Variants in IL23R observed in about 807,000 individuals in gnomAD.
IL23R encodes interleukin-23 receptor.
A neutral mutation model predicts 56.9 loss-of-function variants in IL23R; 34 were observed. That is an observed-to-expected ratio of 0.60 (90% confidence interval 0.45 to 0.80). The LOEUF (loss-of-function observed/expected upper bound fraction) is 0.80. IL23R is among the 30% of genes least tolerant of loss of function. The pLI, the probability that IL23R is intolerant of heterozygous loss-of-function variation, is 0.00. For missense variants in IL23R, 635 were observed against 730.0 expected, an observed-to-expected ratio of 0.87 and a Z score of 1.50; for synonymous variants, 230 against 249.2, an observed-to-expected ratio of 0.92 and a Z score of 0.73.
At chr1:67,190,968 G>A (rs747638404) in intron 4 of IL23R, among the ~76,000 whole-genome samples, 14 of 152,106 alleles carry the variant, frequency 9.2e-5, no homozygotes, top group Non-Finnish European at 1.9e-4. Flanking sequence ...GCTACGTTAG[G>A]TTTCAGTAAT....
At chr1:67,216,905 C>T (rs1649879006) in intron 6 of IL23R, among the ~76,000 whole-genome samples, 1 of 152,126 alleles carries the variant, frequency 6.6e-6, no homozygotes, top group South Asian at 2.1e-4. Context: ...ATCACCACCC[C>T]ATTTCCCTCC....
intron 4 of IL23R, among the ~76,000 whole-genome samples, chr1:67,197,496 A>G (rs917640806): frequency 2.0e-5 from 3 of 152,232 alleles, no homozygotes; most frequent in Non-Finnish European, 4.4e-5. Context: ...AAATACTTCC[A>G]TGTTACAAAT....
At chr1:67,140,786 A>C (rs1003778638) in intron 1 of IL23R, among the ~76,000 whole-genome samples, 1 of 152,164 alleles carries the variant, frequency 6.6e-6, no homozygotes, top group Non-Finnish European at 1.5e-5. Context: ...TCTATCATCT[A>C]TTTATTGAAT....
chr1:67,158,797 G>A (rs139409670), intron 1 of IL23R, among the ~76,000 whole-genome samples: 2,880 of 151,934 alleles, frequency 0.019, 83 homozygotes, highest in African/African-American at 0.066. Flanking sequence ...TGGAGGAGGG[G>A]CCTGGTGGGA....
intron 10 of IL23R, among the ~76,000 whole-genome samples, chr1:67,256,896 T>C (rs1366509284): frequency 6.6e-6 from 1 of 152,174 alleles, no homozygotes; most frequent in Non-Finnish European, 1.5e-5. Flanking sequence ...TTTTAAAAGT[T>C]CAAAAACAAC....
chr1:67,143,939 A>C (rs1646659421), intron 1 of IL23R, among the ~76,000 whole-genome samples: 1 of 152,178 alleles, frequency 6.6e-6, no homozygotes, highest in African/African-American at 2.4e-5. Flanking sequence ...ATGCAGAGAA[A>C]ACTATGTTCT....
chr1:67,257,896 G>T (rs1653037837), intron 10 of IL23R, among the ~76,000 whole-genome samples: 1 of 152,030 alleles, frequency 6.6e-6, no homozygotes, highest in African/African-American at 2.4e-5. Context: ...TAGAGACAGG[G>T]TTTCACCATG....
At chr1:67,194,612 T>G (rs1647997413) in intron 4 of IL23R, among the ~76,000 whole-genome samples, 2 of 152,250 alleles carry the variant, frequency 1.3e-5, no homozygotes, top group Admixed American at 1.3e-4. Flanking sequence ...AGAATTAAAT[T>G]ACTTAGTAAC....
chr1:67,259,457 T>C lies in IL23R; in HGVS notation c.*329T>C, dbSNP rs1653124495. On this transcript the variant is annotated 3_prime_UTR_variant, in exon 11 of 11. Transcript: ENST00000347310. ...TGCCTCATTTCTTAAAATTAGAGAATTAAGGTCCCGAAGGTGGAACATGCT... is the reference window on the plus strand; with the variant it reads ...TGCCTCATTTCTTAAAATTAGAGAACTAAGGTCCCGAAGGTGGAACATGCT... 9.5e-5 allele frequency: 33 copies of C among 346,096 alleles called. 2 individuals are homozygous for C. The highest frequency in any genetic ancestry group is 9.4e-4 in the South Asian group (33 of 35,036). The allele number at this position is 346,096 out of a possible 1,614,324, so 21.4% of individuals were successfully genotyped here.
chr1:67,217,840 A>G (rs1395532263), intron 6 of IL23R, among the ~76,000 whole-genome samples: 3 of 151,730 alleles, frequency 2.0e-5, no homozygotes, highest in South Asian at 2.1e-4. Flanking sequence ...AGTTTTAAGG[A>G]TTAATGTTAA....
At chr1:67,152,077 A>G (rs1212006584) in intron 1 of IL23R, among the ~76,000 whole-genome samples, 1 of 152,138 alleles carries the variant, frequency 6.6e-6, no homozygotes, top group African/African-American at 2.4e-5. Context: ...CACAATATTG[A>G]TTCTTCCTAT....
chr1:67,151,586 TTA>T (rs2102533596), intron 1 of IL23R, among the ~76,000 whole-genome samples: 1 of 152,336 alleles, frequency 6.6e-6, no homozygotes, highest in South Asian at 2.1e-4. Flanking sequence ...GTTTCAGGTT[TTA>T]TATTTTAAGT....
chr1:67,263,285 A>C (rs904215553), downstream of IL23R, among the ~76,000 whole-genome samples: 1 of 151,746 alleles, frequency 6.6e-6, no homozygotes, highest in Non-Finnish European at 1.5e-5. Context: ...GAGTCTCATC[A>C]TTTTGCCCAG....
At chr1:67,235,358 G>A (rs535927950) in intron 7 of IL23R, among the ~76,000 whole-genome samples, 11 of 151,400 alleles carry the variant, frequency 7.3e-5, no homozygotes, top group South Asian at 4.2e-4. Context: ...CCCTCCTCAC[G>A]CTTATGCCTG....
chr1:67,205,873 A>ATCTTT (rs1226325077), intron 5 of IL23R, among the ~76,000 whole-genome samples: 1 of 139,110 alleles, frequency 7.2e-6, no homozygotes, highest in Non-Finnish European at 1.6e-5. Flanking sequence ...TTGAACATCC[A>ATCTTT]TCTTTCTTTC....
intron 1 of IL23R, among the ~76,000 whole-genome samples, chr1:67,153,367 G>A (rs765807332): frequency 6.6e-6 from 1 of 151,750 alleles, no homozygotes; most frequent in Non-Finnish European, 1.5e-5. Context: ...GCTAGCTAGC[G>A]GTCTATTTTG....
intron 7 of IL23R, among the ~76,000 whole-genome samples, chr1:67,223,919 G>A (rs1346382471): frequency 6.6e-6 from 1 of 151,360 alleles, no homozygotes; most frequent in Non-Finnish European, 1.5e-5. Context: ...AAGAATTATT[G>A]CATCAAGAGT....
Position 67,240,270 on chromosome 1 carries a change from A to C in IL23R, c.1137A>C (p.Ser379=). 1 of 1,609,634 alleles carries C rather than the reference A, an allele frequency of 6.2e-7. No individual in the cohort carries two copies. Among genetic ancestry groups the C allele is most frequent in the Non-Finnish European group, 8.5e-7 (1 of 1,176,132 alleles). The part of the protein sequence containing the change: ...ILSLIGIFNR[S]FRTGIKRRIL... The stretch of plus-strand genomic sequence containing the variant: ...CTTTGATTGGGATATTTAACAGATC[A>C]TTCCGAACTGGGTAGGTTTTTGCAG... The change falls in exon 9 of 11, where the codon TCA becomes TCC. Residue 379 remains serine (S), a synonymous_variant. Coordinates refer to ENST00000347310, the MANE Select transcript of IL23R (RefSeq NM_144701.3).
intron 4 of IL23R, among the ~76,000 whole-genome samples, chr1:67,188,736 G>T (rs1421648566): frequency 2.0e-5 from 3 of 152,128 alleles, no homozygotes; most frequent in Non-Finnish European, 4.4e-5. Flanking sequence ...GTTCTTCATA[G>T]ATGGTGACTT....
Sources: gnomAD v4.1 joint callset for allele counts (sites outside exome capture counted in the v4.1 genomes callset) on GRCh38, gnomAD v4.1.1 for gene constraint, MANE v1.5 for transcripts, NCBI Gene and HGNC (gene_info 2026-07-23, HGNC 2026-07-21) for gene names.